The following LCORL variants were observed in gnomAD, a reference collection of about 807,000 sequenced individuals.
LCORL encodes the protein ligand-dependent nuclear receptor corepressor-like protein.
Under a neutral mutation model 141.8 loss-of-function variants are expected in LCORL, and 41 were observed. That is an observed-to-expected ratio of 0.29 (90% CI 0.23 to 0.38). The LOEUF (loss-of-function observed/expected upper bound fraction) is 0.38, where lower values mean the gene tolerates loss of function less well. Among genes scored for constraint, LCORL ranks in the 10% least tolerant of loss-of-function variants. The pLI is 1.00. For synonymous variants in LCORL, 618 were observed against 694.1 expected, an observed-to-expected ratio of 0.89 and a Z score of 1.72; for missense variants, 1,759 against 2,035.0, an observed-to-expected ratio of 0.86 and a Z score of 2.61.
intron 4 of LCORL, among the ~76,000 whole-genome samples, chr4:17,910,498 C>T (rs540414151): frequency 4.9e-4 from 75 of 152,288 alleles, no homozygotes; most frequent in African/African-American, 1.8e-3. Flanking sequence ...TATGAATAGG[C>T]TTTCTCTGAT....
intron 5 of LCORL, among the ~76,000 whole-genome samples, chr4:17,895,195 T>C (rs967692285): frequency 2.0e-5 from 3 of 152,098 alleles, no homozygotes; most frequent in African/African-American, 7.2e-5. Flanking sequence ...AATATTCTTT[T>C]AGCTGTTTTG....
At chr4:17,916,643 CTTTTTTTTTT>C (rs1057287592) in intron 4 of LCORL, among the ~76,000 whole-genome samples, 3 of 113,134 alleles carry the variant, frequency 2.7e-5, no homozygotes, top group Non-Finnish European at 5.4e-5. Flanking sequence ...AATTAAATGT[CTTTTTTTTTT>C]TTTTTTTTTT....
At chr4:17,950,121 T>A (rs563367747) in intron 4 of LCORL, among the ~76,000 whole-genome samples, 1 of 152,260 alleles carries the variant, frequency 6.6e-6, no homozygotes, top group African/African-American at 2.4e-5. Context: ...AGCTAAAACC[T>A]TTTTTAGTAT....
chr4:17,909,472 T>C (rs546891595), intron 4 of LCORL, 127 bp from the exon 5 acceptor site: 5 of 556,560 alleles, frequency 9.0e-6, no homozygotes, highest in Admixed American at 7.5e-5. Flanking sequence ...ACTCCCAATG[T>C]TTTCTGGGAA....
At chr4:17,869,044 CT>C (rs571368298) in intron 7 of LCORL, among the ~76,000 whole-genome samples, 1,395 of 134,000 alleles carry the variant, frequency 0.01, 17 homozygotes, top group African/African-American at 0.031. Context: ...TTCCCACTAC[CT>C]TTTTTTTTTT....
At chr4:17,883,659 TACACACACACGCAA>T in intron 6 of LCORL, 2 of 1,433,846 alleles carry the variant, frequency 1.4e-6, no homozygotes, top group Non-Finnish European at 1.8e-6. Flanking sequence ...CCTGTGCACA[TACACACACACGCAA>T]ACACACACAC....
chr4:17,847,415 C>T (rs375010239), intron 7 of LCORL, among the ~76,000 whole-genome samples: 13 of 152,216 alleles, frequency 8.5e-5, no homozygotes, highest in East Asian at 5.8e-4. Flanking sequence ...AAGCTAAATC[C>T]GTTATATCCT....
At chr4:17,985,775 T>C (rs1236270818) in intron 1 of LCORL, among the ~76,000 whole-genome samples, 1 of 152,218 alleles carries the variant, frequency 6.6e-6, no homozygotes, top group African/African-American at 2.4e-5. Flanking sequence ...AACATTAGTA[T>C]TGATATGTGT....
chr4:17,994,124 G>GT (rs1438204387), intron 1 of LCORL, among the ~76,000 whole-genome samples: 1 of 152,154 alleles, frequency 6.6e-6, no homozygotes, highest in Admixed American at 6.6e-5. Context: ...GAGAAGATCA[G>GT]TATGCAGGTG....
intron 5 of LCORL, among the ~76,000 whole-genome samples, chr4:17,891,648 C>A (rs1378234468): frequency 6.6e-6 from 1 of 152,006 alleles, no homozygotes; most frequent in Non-Finnish European, 1.5e-5. Context: ...ATATAAAAAT[C>A]TGATATACAG....
chr4:17,909,949 A>G (rs1422517215), intron 4 of LCORL, among the ~76,000 whole-genome samples: 1 of 152,184 alleles, frequency 6.6e-6, no homozygotes, highest in Non-Finnish European at 1.5e-5. Context: ...AACTGTCACT[A>G]GTCTGCCAAA....
chr4:18,006,100 G>A (rs973019910), intron 1 of LCORL, among the ~76,000 whole-genome samples: 1 of 152,116 alleles, frequency 6.6e-6, no homozygotes, highest in African/African-American at 2.4e-5. Context: ...CCTCTTGAAT[G>A]CTTTGCTGCT....
At chr4:17,879,303 A>G (rs188752993) in intron 6 of LCORL, among the ~76,000 whole-genome samples, 4 of 151,244 alleles carry the variant, frequency 2.6e-5, no homozygotes, top group African/African-American at 9.6e-5. Context: ...TTTCACTTAT[A>G]TTTTATAAAA....
chr4:17,874,809 C>T (rs1448928320), exon 7 of LCORL: 29 of 1,233,432 alleles, frequency 2.4e-5, no homozygotes, highest in South Asian at 1.2e-4. Context: ...TTTTGCATTC[C>T]GCGAAAGTCT....
intron 1 of LCORL, among the ~76,000 whole-genome samples, chr4:17,975,408 T>C (rs1388190591): frequency 6.6e-6 from 1 of 152,138 alleles, no homozygotes; most frequent in Non-Finnish European, 1.5e-5. Context: ...TTTTGTTTTT[T>C]TTTTTGAGAC....
chr4:17,876,243 T>C (rs1726907265), exon 7 of LCORL: 3 of 1,230,966 alleles, frequency 2.4e-6, no homozygotes, highest in Admixed American at 4.2e-5. Context: ...TCTTTTGTTA[T>C]TCAAATCCAC....
At chr4:17,921,492 A>G (rs1370021512) in intron 4 of LCORL, among the ~76,000 whole-genome samples, 3 of 152,198 alleles carry the variant, frequency 2.0e-5, no homozygotes, top group Admixed American at 6.5e-5. Flanking sequence ...TCCTTGATCC[A>G]TGGGCTACAG....
At chr4:17,864,488 C>T (rs1414488222) in intron 7 of LCORL, among the ~76,000 whole-genome samples, 7 of 152,150 alleles carry the variant, frequency 4.6e-5, no homozygotes, top group East Asian at 3.9e-4. Flanking sequence ...AGGCATGAGC[C>T]GCCTCACCTG....
exon 8 of LCORL, chr4:17,844,033 G>T (rs1722687722): frequency 6.6e-6 from 1 of 151,910 alleles, no homozygotes; most frequent in Admixed American, 6.6e-5. Flanking sequence ...TTGTATATGG[G>T]AGTCCTTGTT....
Sources: allele counts gnomAD v4.1 joint callset (sites outside exome capture counted in the v4.1 genomes callset), GRCh38; gene constraint gnomAD v4.1.1; transcripts MANE v1.5; gene names NCBI Gene and HGNC (gene_info 2026-07-23, HGNC 2026-07-21).